The following NDEL1 variants were observed in gnomAD, a reference collection of about 807,000 sequenced individuals.
NDEL1 encodes the protein nudE neurodevelopment protein 1 like 1.
Under a neutral mutation model 45.7 loss-of-function variants are expected in NDEL1, and 9 were observed. The ratio of observed to expected loss-of-function variants is 0.20; its 90% CI spans 0.12 to 0.34. The LOEUF (loss-of-function observed/expected upper bound fraction) is 0.34, where lower values mean the gene tolerates loss of function less well. Ranked by LOEUF, NDEL1 falls within the 10% of genes least tolerant of loss-of-function variation. The pLI, the probability that NDEL1 is intolerant of heterozygous loss-of-function variation, is 1.00. For missense variants in NDEL1, 306 were observed against 406.2 expected (o/e 0.75, Z 2.12); for synonymous variants, 133 against 158.6 (o/e 0.84, Z 1.21).
chr17:8,436,926 C>T (rs1405775967), intron 1 of NDEL1, among the ~76,000 whole-genome samples: 1 of 152,170 alleles, frequency 6.6e-6, no homozygotes. Context: ...TTTCTAGGCT[C>T]GGAGTTCTGG....
chr17:8,443,955 G>C (rs1006954220), intron 1 of NDEL1: 1 of 211,226 alleles, frequency 4.7e-6, no homozygotes, highest in Non-Finnish European at 9.4e-6. Context: ...ACCAACTGCT[G>C]CAACTCTGTG....
At position 8,445,814 on chromosome 17, in the gene NDEL1, G is replaced by C; in HGVS notation, c.190G>C (p.Asp64His). Residue 64 changes from aspartate (D) to histidine (H), a missense_variant, in exon 3 of 9, where the codon GAC (aspartate) becomes CAC (histidine). Transcript: ENST00000334527. ...AGTACAGGCTGAACAAAGAAATAGAGACTTGCAGGCTGATAACCAAAGACT... is the reference window on the plus strand; with the variant it reads ...AGTACAGGCTGAACAAAGAAATAGACACTTGCAGGCTGATAACCAAAGACT... ...QLVQAEQRNR[D>H]LQADNQRLKY... 1 of 1,576,950 alleles carries C rather than the reference G, an allele frequency of 6.3e-7. No individual in the cohort carries two copies. The highest frequency in any genetic ancestry group is 8.6e-7 in the Non-Finnish European group (1 of 1,166,278).
At chr17:8,473,678 A>G (rs1309319361) in intron 3 of NDEL1, among the ~76,000 whole-genome samples, 1 of 152,146 alleles carries the variant, frequency 6.6e-6, no homozygotes, top group East Asian at 1.9e-4. Flanking sequence ...CAAGAAGCCT[A>G]GTCATAGACC....
rs149822906 is a variant in NDEL1, at chr17:8,437,993, C to T, written c.-13+1948C>T. 4.3e-3 allele frequency among the ~76,000 whole-genome samples: 653 copies of T among 152,238 alleles called. 2 individuals are homozygous for T. The highest frequency in any genetic ancestry group is 0.015 in the African/African-American group (624 of 41,538). The stretch of plus-strand genomic sequence containing the variant: ...TTTTTTTCTTTGATGGAGTCTCCCT[C>T]TGTTGCCCAGGCTGGAGTGCAGTGG... On this transcript the variant is annotated intron_variant, in intron 1 of 8. Transcript: ENST00000334527.
chr17:8,414,894 CATTAGATTATCTCTCAGTCTCTATTATCT>C (rs1411178486), intron 1 of NDEL1, among the ~76,000 whole-genome samples: 2 of 152,108 alleles, frequency 1.3e-5, no homozygotes, highest in Admixed American at 6.6e-5. Context: ...ATGATCAACA[CATTAGATTATCTCTCAGTCTCTATTATCT>C]ATTAGATTAT....
intron 1 of NDEL1, among the ~76,000 whole-genome samples, chr17:8,414,248 A>G (rs1908489954): frequency 6.6e-6 from 1 of 152,116 alleles, no homozygotes; most frequent in Admixed American, 6.6e-5. Flanking sequence ...GCCACAGTAA[A>G]CATCACTGAA....
chr17:8,451,587 T>A (rs1910507957), intron 6 of NDEL1, among the ~76,000 whole-genome samples: 1 of 152,184 alleles, frequency 6.6e-6, no homozygotes, highest in African/African-American at 2.4e-5. Context: ...TCGGAGTAAT[T>A]GATGATTGGC....
chr17:8,413,970 A>G (rs976915260), intron 1 of NDEL1, among the ~76,000 whole-genome samples: 5 of 152,248 alleles, frequency 3.3e-5, no homozygotes, highest in African/African-American at 9.6e-5. Context: ...GCATAATTCT[A>G]TCTCTAAAGA....
At position 8,450,821 on chromosome 17, in the gene NDEL1, G is replaced by A; in HGVS notation, c.568G>A (p.Val190Ile). 2 of 1,612,338 alleles carry A rather than the reference G, an allele frequency of 1.2e-6. No individual in the cohort carries two copies. Among genetic ancestry groups the A allele is most frequent in the East Asian group, 2.2e-5 (1 of 44,714 alleles). ...AGCAGTTCGGGAAAGACAACAGGAA[G>A]TAACTAGAAAGTCGGCTCCTAGCTC... ...ELAVRERQQEVTRKSAPSSPT... is the reference protein window; with the variant it reads ...ELAVRERQQEITRKSAPSSPT... The change falls in exon 6 of 9, where the codon GTA (valine) becomes ATA (isoleucine). Residue 190 changes from valine to isoleucine, a missense_variant. By Grantham distance (29) the Val-to-Ile change is conservative. Around this residue, in one of 3 missense-constraint regions of NDEL1, gnomAD observed 175 missense variants for 205.2 expected, o/e 0.85. Transcript: ENST00000334527.
At chr17:8,437,174 T>G (rs1909405987) in intron 1 of NDEL1, among the ~76,000 whole-genome samples, 1 of 152,180 alleles carries the variant, frequency 6.6e-6, no homozygotes, top group South Asian at 2.1e-4. Context: ...CAGCGTTAAG[T>G]CATGGGCTGA....
chr17:8,437,904 G>A (rs1909454350), intron 1 of NDEL1, among the ~76,000 whole-genome samples: 1 of 149,378 alleles, frequency 6.7e-6, no homozygotes, highest in Admixed American at 6.7e-5. Context: ...TTTTGAGACT[G>A]TGTCCGTATT....
chr17:8,454,989 A>G, intron 7 of NDEL1, 102 bp downstream of exon 7: 1 of 1,132,722 alleles, frequency 8.8e-7, no homozygotes. Flanking sequence ...TTCCTGTGGT[A>G]AAGGCTGTCA....
intron 6 of NDEL1, 57 bp from the exon 7 acceptor site, chr17:8,454,739 A>G (rs997575393): frequency 1.0e-5 from 14 of 1,380,840 alleles, no homozygotes; most frequent in Non-Finnish European, 1.3e-5. Flanking sequence ...ATCAACAACA[A>G]AACCCAAATG....
At chr17:8,421,095 T>C (rs921551157) in intron 1 of NDEL1, among the ~76,000 whole-genome samples, 3 of 152,250 alleles carry the variant, frequency 2.0e-5, no homozygotes, top group Non-Finnish European at 4.4e-5. Flanking sequence ...ACATCAATTC[T>C]ATAGTTTCAT....
Position 8,458,548 on chromosome 17 carries a change from C to CTGTGTG in NDEL1, c.793-1445_793-1440dup, listed in dbSNP as rs112741158. ...GGAATTGAATGGCTCTCAATTTCTA[C>CTGTGTG]TGTGTGTGTGTGTGTGTGTGTAGCT... is the stretch of plus-strand genomic sequence containing the variant. On this transcript the variant is annotated intron_variant, in intron 7 of 8. Coordinates refer to ENST00000334527, the MANE Select transcript of NDEL1 (RefSeq NM_030808.5). Among the ~76,000 whole-genome samples the CTGTGTG allele has an allele frequency of 2.2e-3, 337 of 150,038 alleles. 1 individual carries two copies. Among genetic ancestry groups the CTGTGTG allele is most frequent in the African/African-American group, 7.8e-3 (319 of 40,860 alleles).
chr17:8,454,884 AG>A lies in NDEL1; in HGVS notation c.792+1del. On this transcript the variant is annotated frameshift_variant and splice_region_variant, in exon 7 of 9. Transcript: ENST00000334527. LOFTEE classifies it high-confidence loss of function. ...TCGTGGGGGATCTCTTACGGAAAGTAGGGGTAAGTTTCAATTATTTATCACT... is the reference window on the plus strand; with the variant it reads ...TCGTGGGGGATCTCTTACGGAAAGTAGGGTAAGTTTCAATTATTTATCACT... ...NIVGDLLRKV[G>X]ALESKLAACR... 1 of 1,611,944 alleles carries A rather than the reference AG, an allele frequency of 6.2e-7. No individual in the cohort carries two copies.
chr17:8,461,653 A>T (rs1911213440), intron 8 of NDEL1, among the ~76,000 whole-genome samples: 1 of 152,172 alleles, frequency 6.6e-6, no homozygotes, highest in Admixed American at 6.5e-5. Context: ...CCTTGTTTTT[A>T]TAGTGGAATG....
upstream of NDEL1, among the ~76,000 whole-genome samples, chr17:8,433,706 G>T (rs1346241703): frequency 6.6e-6 from 1 of 151,988 alleles, no homozygotes; most frequent in African/African-American, 2.4e-5. Flanking sequence ...TTAGAGACAG[G>T]TGTCTCACTG....
upstream of NDEL1, chr17:8,435,763 G>A (rs937316615): frequency 2.9e-6 from 1 of 346,048 alleles, no homozygotes; most frequent in South Asian, 2.0e-5. Context: ...CAGCGCGCCG[G>A]GCTCTGGCCC....
Sources: allele counts gnomAD v4.1 joint callset (sites outside exome capture counted in the v4.1 genomes callset), GRCh38; gene constraint gnomAD v4.1.1; regional missense constraint gnomAD v4.1.1; transcripts MANE v1.5; gene names NCBI Gene and HGNC (gene_info 2026-07-23, HGNC 2026-07-21).